The following NCKAP5 variants were observed in gnomAD, a reference collection of about 807,000 sequenced individuals.
NCKAP5 encodes the protein NCK associated protein 5.
Under a neutral mutation model 167.0 loss-of-function variants are expected in NCKAP5, and 92 were observed. The observed-to-expected ratio is 0.55, with a 90% CI of 0.47 to 0.66. The LOEUF (loss-of-function observed/expected upper bound fraction) is 0.66, where lower values mean the gene tolerates loss of function less well. Ranked by LOEUF, NCKAP5 falls within the 30% of genes least tolerant of loss-of-function variation. The pLI is 0.00. For missense variants in NCKAP5, 2,378 were observed against 2,315.0 expected (o/e 1.03, Z -0.56); for synonymous variants, 891 against 877.4 (o/e 1.02, Z -0.27).
intron 6 of NCKAP5, among the ~76,000 whole-genome samples, chr2:133,070,859 T>A (rs1228767342): frequency 6.6e-6 from 1 of 152,224 alleles, no homozygotes; most frequent in Admixed American, 6.5e-5. Flanking sequence ...AGTACACGCA[T>A]ATAACATTTT....
intron 7 of NCKAP5, among the ~76,000 whole-genome samples, chr2:132,967,713 AT>A (rs1421409510): frequency 1.3e-5 from 2 of 152,244 alleles, no homozygotes; most frequent in African/African-American, 4.8e-5. Flanking sequence ...CTAATGGAGT[AT>A]GGAAAACAAG....
intron 8 of NCKAP5, among the ~76,000 whole-genome samples, chr2:132,948,392 G>A (rs1335800109): frequency 2.0e-5 from 3 of 152,218 alleles, no homozygotes; most frequent in South Asian, 2.1e-4. Context: ...AAGTTAAAAG[G>A]GACTGTTGCC....
At position 133,069,982 on chromosome 2, in the gene NCKAP5, G is replaced by A. The variant is rs774577813; in HGVS notation, c.341+59996C>T. 1.2e-3 allele frequency among the ~76,000 whole-genome samples: 181 copies of A among 152,052 alleles called. 1 individual carries two copies. Among genetic ancestry groups the A allele is most frequent in the Non-Finnish European group, 1.8e-3 (123 of 68,010 alleles). On this transcript the variant is annotated intron_variant, in intron 6 of 19. Transcript: ENST00000409261. ...ATTTATGGTGGAAATTTCAACTAAA[G>A]TAGGTATTTAGGCATACTTGGATAG...
intron 5 of NCKAP5, among the ~76,000 whole-genome samples, chr2:133,194,874 T>C (rs1034428898): frequency 1.3e-5 from 2 of 151,058 alleles, no homozygotes; most frequent in Non-Finnish European, 2.9e-5. Flanking sequence ...AGATTGTTCA[T>C]AGGTATATAT....
At chr2:132,831,910 A>G (rs184805305) in intron 11 of NCKAP5, among the ~76,000 whole-genome samples, 1 of 152,206 alleles carries the variant, frequency 6.6e-6, no homozygotes, top group African/African-American at 2.4e-5. Flanking sequence ...AATTTTTTAG[A>G]AATACATTGA....
intron 6 of NCKAP5, among the ~76,000 whole-genome samples, chr2:133,081,164 A>C (rs1179718243): frequency 6.6e-6 from 1 of 152,148 alleles, no homozygotes; most frequent in Non-Finnish European, 1.5e-5. Flanking sequence ...AAGCCCTAAA[A>C]TACATTTTTT....
intron 6 of NCKAP5, among the ~76,000 whole-genome samples, chr2:133,124,078 G>A (rs2082329543): frequency 2.0e-5 from 3 of 152,200 alleles, no homozygotes; most frequent in African/African-American, 7.2e-5. Flanking sequence ...CTTAAGCACA[G>A]CAATCAACTG....
chr2:133,114,986 T>C (rs931635841), intron 6 of NCKAP5, among the ~76,000 whole-genome samples: 7 of 152,210 alleles, frequency 4.6e-5, no homozygotes, highest in African/African-American at 1.7e-4. Context: ...TCTTTCTCCA[T>C]TTATTAGCTA....
At chr2:132,755,107 G>A (rs925541938) in intron 16 of NCKAP5, among the ~76,000 whole-genome samples, 3 of 152,246 alleles carry the variant, frequency 2.0e-5, no homozygotes, top group Admixed American at 2.0e-4. Context: ...TACCTGTGGA[G>A]CAGCTAGCAT....
At chr2:133,514,215 A>G (rs1427995803) in intron 3 of NCKAP5, among the ~76,000 whole-genome samples, 10 of 152,192 alleles carry the variant, frequency 6.6e-5, no homozygotes, top group Non-Finnish European at 1.5e-4. Context: ...AACCCCCACA[A>G]TGAAACATAT....
At chr2:133,294,537 T>C (rs1364705912) in intron 4 of NCKAP5, among the ~76,000 whole-genome samples, 4 of 152,192 alleles carry the variant, frequency 2.6e-5, no homozygotes, top group African/African-American at 9.6e-5. Context: ...AATAATGGCA[T>C]GTGGCCTCGC....
chr2:133,271,621 T>A (rs2089515164), intron 4 of NCKAP5, among the ~76,000 whole-genome samples: 1 of 152,128 alleles, frequency 6.6e-6, no homozygotes, highest in Non-Finnish European at 1.5e-5. Flanking sequence ...AAAGTCAGTG[T>A]TCATAGAGAA....
chr2:133,581,227 A>T, the NCKAP5 span, among the ~76,000 whole-genome samples: 1 of 152,222 alleles, frequency 6.6e-6, no homozygotes, highest in Non-Finnish European at 1.5e-5. Context: ...GAAATGTCTC[A>T]GATGCATTTG....
intron 3 of NCKAP5, among the ~76,000 whole-genome samples, chr2:133,470,419 TCAGA>T: frequency 6.6e-6 from 1 of 152,316 alleles, no homozygotes; most frequent in East Asian, 1.9e-4. Context: ...TTCAAAGCTG[TCAGA>T]CAGGGACATT....
chr2:133,630,133 A>G, the NCKAP5 span, among the ~76,000 whole-genome samples: 1 of 152,280 alleles, frequency 6.6e-6, no homozygotes, highest in South Asian at 2.1e-4. Context: ...TGGACCCCAG[A>G]ACTTAAAGTA....
chr2:133,306,104 G>C (rs1194969444), intron 3 of NCKAP5, among the ~76,000 whole-genome samples: 6 of 152,216 alleles, frequency 3.9e-5, no homozygotes, highest in Non-Finnish European at 8.8e-5. Flanking sequence ...GGAATTTTGT[G>C]GATCCCTTTG....
At chr2:132,675,456 A>T (rs1280154476) in intron 19 of NCKAP5, among the ~76,000 whole-genome samples, 2 of 152,212 alleles carry the variant, frequency 1.3e-5, no homozygotes, top group Non-Finnish European at 2.9e-5. Context: ...TGGTTCTCAA[A>T]GTGTGTTCCC....
intron 8 of NCKAP5, among the ~76,000 whole-genome samples, chr2:132,898,837 G>A (rs913569798): frequency 2.6e-5 from 4 of 152,296 alleles, no homozygotes; most frequent in Non-Finnish European, 5.9e-5. Context: ...ACCCAGACTT[G>A]GTTGTACCAT....
At chr2:132,757,022 C>T (rs749616209) in intron 16 of NCKAP5, among the ~76,000 whole-genome samples, 2 of 152,138 alleles carry the variant, frequency 1.3e-5, no homozygotes, top group Non-Finnish European at 2.9e-5. Context: ...GTTTTAGCTA[C>T]ATAAGAAACA....
Sources: gnomAD v4.1 joint callset for allele counts (sites outside exome capture counted in the v4.1 genomes callset) on GRCh38, gnomAD v4.1.1 for gene constraint, MANE v1.5 for transcripts, NCBI Gene and HGNC (gene_info 2026-07-23, HGNC 2026-07-21) for gene names.